Variants in PRDM16 observed in about 807,000 individuals in gnomAD.
The protein encoded by PRDM16 is PR/SET domain 16, also known as histone-lysine N-methyltransferase PRDM16.
A neutral mutation model predicts 110.6 loss-of-function variants in PRDM16; 23 were observed. The observed-to-expected ratio is 0.21, with a 90% CI of 0.15 to 0.29. PRDM16 has a LOEUF of 0.29. Among genes scored for constraint, PRDM16 ranks in the 10% least tolerant of loss-of-function variants. The pLI is 1.00. For synonymous variants in PRDM16, 799 were observed against 781.8 expected (o/e 1.02, Z -0.37); for missense variants, 1,615 against 1,794.3 (o/e 0.90, Z 1.81).
At chr1:3,292,974 G>A (rs1641010775) in intron 3 of PRDM16, among the ~76,000 whole-genome samples, 1 of 152,222 alleles carries the variant, frequency 6.6e-6, no homozygotes, top group Admixed American at 6.5e-5. Flanking sequence ...TCCGCTCCGG[G>A]CATGACCTCG....
chr1:3,256,375 T>C (rs1181339165), intron 3 of PRDM16, among the ~76,000 whole-genome samples: 2 of 152,188 alleles, frequency 1.3e-5, no homozygotes, highest in Non-Finnish European at 2.9e-5. Flanking sequence ...TGCGTAACCA[T>C]GACCCCTCAG....
chr1:3,369,546 G>A (rs1286240984), intron 3 of PRDM16, among the ~76,000 whole-genome samples: 1 of 152,248 alleles, frequency 6.6e-6, no homozygotes, highest in Non-Finnish European at 1.5e-5. Flanking sequence ...AGAAAGGATG[G>A]GCTGATTCGT....
chr1:3,124,152 C>T (rs940709229), intron 1 of PRDM16, among the ~76,000 whole-genome samples: 6 of 152,146 alleles, frequency 3.9e-5, no homozygotes, highest in East Asian at 1.9e-4. Context: ...TGGACAGGGC[C>T]GTGGAGCTGG....
chr1:3,261,787 G>T (rs1327982022), intron 3 of PRDM16, among the ~76,000 whole-genome samples: 3 of 152,142 alleles, frequency 2.0e-5, no homozygotes, highest in African/African-American at 7.2e-5. Context: ...CTCCGTCCTG[G>T]TCCCCACCCT....
At chr1:3,222,526 G>C (rs549130132) in intron 2 of PRDM16, among the ~76,000 whole-genome samples, 1 of 152,354 alleles carries the variant, frequency 6.6e-6, no homozygotes, top group South Asian at 2.1e-4. Context: ...GGTGGAACCT[G>C]CGGGGCCCCT....
At chr1:3,384,349 G>A (rs1295211815) in intron 3 of PRDM16, among the ~76,000 whole-genome samples, 1 of 152,222 alleles carries the variant, frequency 6.6e-6, no homozygotes, top group Non-Finnish European at 1.5e-5. Flanking sequence ...ACCCAGAGTA[G>A]CTACTGGCCA....
chr1:3,231,885 G>T (rs917138796), intron 2 of PRDM16, among the ~76,000 whole-genome samples: 3 of 152,236 alleles, frequency 2.0e-5, no homozygotes, highest in Non-Finnish European at 4.4e-5. Flanking sequence ...GACCCTGGGG[G>T]GTCCCGGCTG....
At chr1:3,356,240 G>A (rs898587018) in intron 3 of PRDM16, among the ~76,000 whole-genome samples, 5 of 152,152 alleles carry the variant, frequency 3.3e-5, no homozygotes, top group African/African-American at 1.2e-4. Context: ...CGTGTCTGGT[G>A]TTTGTGGAAT....
rs1557645356 is a variant in PRDM16 at position 3,385,143 on chromosome 1, T to A, written c.439-9T>A. On this transcript the variant is annotated splice_polypyrimidine_tract_variant and intron_variant, in intron 3 of 16. Transcript: ENST00000270722. ...ACCTCTGACTCCCGCTTCGCTTTCC[T>A]CCCAGCAGATCTCCGAAGACCTGGG... The A allele has an allele frequency of 6.2e-7, 1 of 1,613,290 alleles. No individual in the cohort carries two copies. The highest frequency in any genetic ancestry group is 2.2e-5 in the East Asian group (1 of 44,874).
intron 1 of PRDM16, among the ~76,000 whole-genome samples, chr1:3,177,274 A>G (rs1644101585): frequency 6.6e-6 from 1 of 152,126 alleles, no homozygotes; most frequent in African/African-American, 2.4e-5. Context: ...TCAAGCATCT[A>G]TTCACACTCC....
At chr1:3,142,543 G>T (rs1378355465) in intron 1 of PRDM16, among the ~76,000 whole-genome samples, 2 of 152,144 alleles carry the variant, frequency 1.3e-5, no homozygotes, top group East Asian at 3.9e-4. Context: ...CCTCACCTGC[G>T]GCGTCATCCA....
intron 3 of PRDM16, among the ~76,000 whole-genome samples, chr1:3,341,569 G>T (rs981609735): frequency 6.6e-6 from 1 of 152,192 alleles, no homozygotes; most frequent in Non-Finnish European, 1.5e-5. Context: ...ACACACACGC[G>T]TGCGCACACA....
In PRDM16 at chr1:3,181,412, A is replaced by G. The variant is rs200373384; in HGVS notation, c.38-4713A>G. 1.2e-3 allele frequency among the ~76,000 whole-genome samples: 33 copies of G among 26,636 alleles called. 10 individuals carry two copies. The highest frequency in any genetic ancestry group is 1.7e-3 in the Non-Finnish European group (16 of 9,690). The allele number at this position is 26,636 out of a possible 152,430, so 17.5% of individuals were successfully genotyped here. The stretch of plus-strand genomic sequence containing the variant: ...GCCTTACGCATGGTCTTACACACGC[A>G]GTCTTACACACGCGGTCTTACACAA... On this transcript the variant is annotated intron_variant, in intron 1 of 16. Coordinates refer to ENST00000270722, the MANE Select transcript of PRDM16 (RefSeq NM_022114.4).
chr1:3,295,884 T>C (rs894178548), intron 3 of PRDM16, among the ~76,000 whole-genome samples: 3 of 152,068 alleles, frequency 2.0e-5, no homozygotes, highest in African/African-American at 7.2e-5. Context: ...TGGTGAGAAC[T>C]GGGGTAACTG....
intron 3 of PRDM16, among the ~76,000 whole-genome samples, chr1:3,365,417 T>G (rs1642791624): frequency 6.6e-6 from 1 of 152,180 alleles, no homozygotes; most frequent in Non-Finnish European, 1.5e-5. Context: ...GGAGAGGCAG[T>G]GAGGAGGGGA....
chr1:3,313,124 C>T (rs888741692), intron 3 of PRDM16, among the ~76,000 whole-genome samples: 1 of 152,270 alleles, frequency 6.6e-6, no homozygotes, highest in Non-Finnish European at 1.5e-5. Context: ...TTCTCCGAAG[C>T]TGTCAGTGTC....
chr1:3,201,815 G>A lies in PRDM16; in HGVS notation c.387+15341G>A, dbSNP rs1638636189. Among the ~76,000 whole-genome samples the A allele has an allele frequency of 6.6e-6, 1 of 152,222 alleles. No individual in the cohort carries two copies. Among genetic ancestry groups the A allele is most frequent in the African/African-American group, 2.4e-5 (1 of 41,472 alleles). On this transcript the variant is annotated intron_variant, in intron 2 of 16. Transcript: ENST00000270722. The surrounding 1 kb of genome is among the most constrained non-coding windows in gnomAD (Gnocchi z 4.1). The stretch of plus-strand genomic sequence containing the variant: ...GCCTCTGTTTCTACCTCGGGTTGGT[G>A]TCTCCCGCCCACTTCTGTGTCCACT...
intron 12 of PRDM16, chr1:3,424,802 G>GGGAGCTGGTCTGT (rs1044402825): frequency 3.3e-5 from 5 of 152,400 alleles, no homozygotes; most frequent in African/African-American, 1.2e-4. Flanking sequence ...GAGCTGGTCT[G>GGGAGCTGGTCTGT]GGAGCTGGTC....
chr1:3,203,739 G>A (rs1569839063), intron 2 of PRDM16, among the ~76,000 whole-genome samples: 1 of 152,136 alleles, frequency 6.6e-6, no homozygotes, highest in Non-Finnish European at 1.5e-5. Flanking sequence ...TATTGGATTC[G>A]GACCACCCTA....
Sources: allele counts gnomAD v4.1 joint callset (sites outside exome capture counted in the v4.1 genomes callset), GRCh38; gene constraint gnomAD v4.1.1; non-coding constraint Gnocchi (gnomAD v3.1); transcripts MANE v1.5; gene names NCBI Gene and HGNC (gene_info 2026-07-23, HGNC 2026-07-21).